Variants in IFT88 observed in about 807,000 individuals in gnomAD.
The protein encoded by IFT88 is intraflagellar transport 88.
A neutral mutation model predicts 119.5 loss-of-function variants in IFT88; 74 were observed. The observed-to-expected ratio is 0.62, with a 90% CI of 0.51 to 0.75. The LOEUF (loss-of-function observed/expected upper bound fraction) is 0.75, where lower values mean the gene tolerates loss of function less well. IFT88 is among the 30% of genes least tolerant of loss of function. IFT88 has a pLI of 0.00. For synonymous variants in IFT88, 279 were observed against 316.7 expected (o/e 0.88, Z 1.26); for missense variants, 961 against 977.7 (o/e 0.98, Z 0.23).
At chr13:20,664,959 G>A (rs1256368904) in intron 23 of IFT88, among the ~76,000 whole-genome samples, 1 of 151,788 alleles carries the variant, frequency 6.6e-6, no homozygotes, top group Non-Finnish European at 1.5e-5. Context: ...GGCACCTGTA[G>A]TCCCAGCTAC....
chr13:20,593,254 T>G (rs1192223866), intron 7 of IFT88, among the ~76,000 whole-genome samples: 1 of 152,216 alleles, frequency 6.6e-6, no homozygotes, highest in Non-Finnish European at 1.5e-5. Context: ...TTACAAATAG[T>G]AATAAAAGCT....
At chr13:20,585,653 A>G (rs1336740128) in intron 3 of IFT88, among the ~76,000 whole-genome samples, 2 of 152,178 alleles carry the variant, frequency 1.3e-5, no homozygotes, top group Non-Finnish European at 2.9e-5. Flanking sequence ...AATCACATTG[A>G]TAGACTGACC....
chr13:20,599,409 A>T, intron 10 of IFT88, 42 bp from the exon 11 acceptor site: 1 of 682,864 alleles, frequency 1.5e-6, no homozygotes, highest in Non-Finnish European at 2.5e-6. Context: ...AAAGAGTGGA[A>T]AAATGAGAGT....
At chr13:20,678,988 A>C (rs1469496779) in intron 24 of IFT88, among the ~76,000 whole-genome samples, 3 of 152,210 alleles carry the variant, frequency 2.0e-5, no homozygotes, top group Non-Finnish European at 2.9e-5. Flanking sequence ...CAAGCACTTC[A>C]GTTCCTGGCA....
rs1241692889 is a variant in IFT88, at chr13:20,583,019, A to G, written c.153A>G (p.Pro51=). 1.9e-6 allele frequency: 3 copies of G among 1,598,470 alleles called. No homozygotes were observed. The highest frequency in any genetic ancestry group is 2.6e-6 in the Non-Finnish European group (3 of 1,172,376). The change falls in exon 3 of 26, where the codon CCA becomes CCG. Residue 51 remains proline, a splice_region_variant and synonymous_variant. Coordinates refer to ENST00000351808, the MANE Select transcript of IFT88 (RefSeq NM_006531.5). ...GGACTAGTCATGGCAGAAGACCTCC[A>G]GTAAGTGAAAAAAATTTTTTTTAAA... ...AVRTSHGRRP[P]ITAKISSTAV...
Position 20,639,481 on chromosome 13 carries a change from A to G in IFT88, c.1573+963A>G, listed in dbSNP as rs189037911. Among the ~76,000 whole-genome samples the G allele has an allele frequency of 4.8e-3, 727 of 152,302 alleles. 4 individuals are homozygous for G. The highest frequency in any genetic ancestry group is 7.5e-3 in the Non-Finnish European group (512 of 68,018). On this transcript the variant is annotated intron_variant, in intron 17 of 25. Coordinates refer to ENST00000351808, the MANE Select transcript of IFT88 (RefSeq NM_006531.5). ...AAGGAGGAGGGAAGGCCTACTGCCA[A>G]CCTTGAAGAATAGGGGAGGCAAGAA...
intron 16 of IFT88, among the ~76,000 whole-genome samples, chr13:20,633,436 A>C (rs1452655854): frequency 1.3e-5 from 2 of 152,140 alleles, no homozygotes; most frequent in African/African-American, 4.8e-5. Context: ...TCTGTCTTCC[A>C]CCCAGTTTCC....
intron 14 of IFT88, among the ~76,000 whole-genome samples, chr13:20,622,010 G>T (rs2046604392): frequency 6.6e-6 from 1 of 152,088 alleles, no homozygotes; most frequent in Non-Finnish European, 1.5e-5. Flanking sequence ...TTTGCTGATT[G>T]GCTTCTTTCA....
At chr13:20,660,615 A>C (rs989476191) in intron 22 of IFT88, among the ~76,000 whole-genome samples, 1 of 152,170 alleles carries the variant, frequency 6.6e-6, no homozygotes, top group Admixed American at 6.6e-5. Flanking sequence ...GGTGGGCAGG[A>C]TGGATTCTGA....
chr13:20,602,226 T>TG (rs2042718026), intron 12 of IFT88, among the ~76,000 whole-genome samples: 1 of 149,504 alleles, frequency 6.7e-6, no homozygotes. Flanking sequence ...TTTTTTTTTT[T>TG]GAGACAGAGA....
intron 7 of IFT88, among the ~76,000 whole-genome samples, chr13:20,594,479 A>C (rs766943737): frequency 2.0e-5 from 3 of 152,202 alleles, no homozygotes; most frequent in Non-Finnish European, 4.4e-5. Context: ...GCAAAGAAGA[A>C]GGGCGGGTGG....
At chr13:20,663,644 T>C (rs1470920673) in intron 23 of IFT88, 40 bp downstream of exon 23, 1 of 1,405,572 alleles carries the variant, frequency 7.1e-7, no homozygotes, top group Non-Finnish European at 1.0e-6. Flanking sequence ...TGTTAATTTT[T>C]AGAATGTCAG....
intron 1 of IFT88, among the ~76,000 whole-genome samples, chr13:20,572,688 T>G (rs1174004084): frequency 1.3e-5 from 2 of 152,208 alleles, no homozygotes; most frequent in African/African-American, 4.8e-5. Flanking sequence ...TTTTCACAAA[T>G]GCATACACTT....
chr13:20,628,319 G>A (rs944598057), intron 15 of IFT88, among the ~76,000 whole-genome samples: 5 of 152,132 alleles, frequency 3.3e-5, no homozygotes, highest in Admixed American at 3.3e-4. Flanking sequence ...AGCCCAAAGT[G>A]GATGAAATGA....
intron 14 of IFT88, among the ~76,000 whole-genome samples, chr13:20,622,936 T>C (rs1042037052): frequency 2.0e-5 from 3 of 152,240 alleles, no homozygotes; most frequent in Non-Finnish European, 4.4e-5. Flanking sequence ...TGTTTTCTTC[T>C]AACAGTTTTT....
chr13:20,671,159 A>T, intron 24 of IFT88, 120 bp downstream of exon 24: 1 of 578,622 alleles, frequency 1.7e-6, no homozygotes, highest in Non-Finnish European at 2.9e-6. Context: ...TTCTATACAC[A>T]GTGAAACTTC....
chr13:20,675,544 G>A (rs945572092), intron 24 of IFT88, among the ~76,000 whole-genome samples: 15 of 152,096 alleles, frequency 9.9e-5, no homozygotes, highest in Non-Finnish European at 1.5e-4. Context: ...CCAATGTGTC[G>A]TCTGTGTTCT....
intron 16 of IFT88, among the ~76,000 whole-genome samples, chr13:20,637,894 G>A (rs1232756920): frequency 1.3e-5 from 2 of 152,188 alleles, no homozygotes; most frequent in Non-Finnish European, 1.5e-5. Flanking sequence ...GGCCCTGACC[G>A]AGCATTTGGC....
chr13:20,636,524 C>G (rs1006074149), intron 16 of IFT88, among the ~76,000 whole-genome samples: 1 of 152,206 alleles, frequency 6.6e-6, no homozygotes, highest in Admixed American at 6.5e-5. Context: ...CTAGAAATCC[C>G]CTTGGCCACA....
Sources: gnomAD v4.1 joint callset for allele counts (sites outside exome capture counted in the v4.1 genomes callset) on GRCh38, gnomAD v4.1.1 for gene constraint, MANE v1.5 for transcripts, NCBI Gene and HGNC (gene_info 2026-07-23, HGNC 2026-07-21) for gene names.